PDE1C: variants seen among roughly 807,000 people sequenced by gnomAD.
PDE1C encodes the protein phosphodiesterase 1C, also known as dual specificity calcium/calmodulin-dependent 3',5'-cyclic nucleotide phosphodiesterase 1C.
Under a neutral mutation model 93.1 loss-of-function variants are expected in PDE1C, and 62 were observed. The observed-to-expected ratio is 0.67, with a 90% CI of 0.54 to 0.82. The LOEUF (loss-of-function observed/expected upper bound fraction) is 0.82, where lower values mean the gene tolerates loss of function less well. PDE1C is among the 40% of genes least tolerant of loss of function. The pLI, the probability that PDE1C is intolerant of heterozygous loss-of-function variation, is 0.00. For synonymous variants in PDE1C, 325 were observed against 310.1 expected, an observed-to-expected ratio of 1.05 and a Z score of -0.50; for missense variants, 742 against 884.6, an observed-to-expected ratio of 0.84 and a Z score of 2.04.
At chr7:31,835,545 TG>T (rs2128761106) in intron 11 of PDE1C, among the ~76,000 whole-genome samples, 1 of 152,030 alleles carries the variant, frequency 6.6e-6, no homozygotes, top group African/African-American at 2.4e-5. Context: ...TGTGTGTGTG[TG>T]TGTGTGTGTG....
chr7:31,990,807 A>G (rs962504942), intron 2 of PDE1C, among the ~76,000 whole-genome samples: 2 of 152,214 alleles, frequency 1.3e-5, no homozygotes, highest in Non-Finnish European at 2.9e-5. Context: ...ATTCACATAG[A>G]GCAGCAAGAT....
At chr7:32,254,635 G>T (rs888031893) in intron 1 of PDE1C, among the ~76,000 whole-genome samples, 3 of 152,154 alleles carry the variant, frequency 2.0e-5, no homozygotes, top group African/African-American at 7.2e-5. Context: ...ACCAACTTGG[G>T]GAAATCGATG....
chr7:32,398,459 G>A (rs1784881001), intron 1 of PDE1C, among the ~76,000 whole-genome samples: 2 of 151,594 alleles, frequency 1.3e-5, no homozygotes. Context: ...CGCAATCTTG[G>A]CTGGCCACAA....
the PDE1C span, among the ~76,000 whole-genome samples, chr7:31,650,793 C>G: frequency 6.6e-6 from 1 of 152,188 alleles, no homozygotes; most frequent in South Asian, 2.1e-4. Context: ...ATTAAACAGA[C>G]TCAATTTCTC....
At chr7:32,011,384 G>C (rs1584444776) in intron 2 of PDE1C, among the ~76,000 whole-genome samples, 1 of 152,046 alleles carries the variant, frequency 6.6e-6, no homozygotes, top group South Asian at 2.1e-4. Flanking sequence ...AGTAGAGACA[G>C]GGTTTTGCCG....
chr7:32,070,811 G>A (rs1411629084), upstream of PDE1C: 1 of 990,482 alleles, frequency 1.0e-6, no homozygotes, highest in Non-Finnish European at 1.2e-6. Context: ...GGGTGGGGAG[G>A]AGAGAAAGTG....
intron 9 of PDE1C, among the ~76,000 whole-genome samples, chr7:31,841,227 C>CTATATATATATATA (rs1554361935): frequency 4.2e-5 from 6 of 142,260 alleles, no homozygotes; most frequent in Non-Finnish European, 7.5e-5. Flanking sequence ...CTCTCTCTCT[C>CTATATATATATATA]TATATATATA....
chr7:32,218,463 G>T (rs1205166862), intron 1 of PDE1C, among the ~76,000 whole-genome samples: 1 of 152,248 alleles, frequency 6.6e-6, no homozygotes, highest in Admixed American at 6.5e-5. Flanking sequence ...CCAGAGGGCA[G>T]GATGGCTCCC....
chr7:31,697,221 G>T, the PDE1C span: 1 of 1,430,884 alleles, frequency 7.0e-7, no homozygotes, highest in African/African-American at 1.4e-5. Flanking sequence ...GCCCCAGCAA[G>T]CTGCGTTGTC....
intron 1 of PDE1C, among the ~76,000 whole-genome samples, chr7:32,256,708 T>C (rs1809821493): frequency 6.6e-6 from 1 of 152,308 alleles, no homozygotes; most frequent in East Asian, 1.9e-4. Context: ...TAATGTGGCC[T>C]TGGGCAAGTC....
chr7:32,280,524 T>C (rs1811558948), intron 1 of PDE1C, among the ~76,000 whole-genome samples: 1 of 152,186 alleles, frequency 6.6e-6, no homozygotes, highest in African/African-American at 2.4e-5. Context: ...ATTTAATAAA[T>C]ACATTGACGA....
intron 1 of PDE1C, among the ~76,000 whole-genome samples, chr7:32,297,022 TG>T (rs1812638037): frequency 6.6e-6 from 1 of 152,068 alleles, no homozygotes; most frequent in Admixed American, 6.6e-5. Flanking sequence ...TTCTTTCTGA[TG>T]GGGATGGAGA....
intron 2 of PDE1C, among the ~76,000 whole-genome samples, chr7:32,050,074 T>C (rs889177561): frequency 5.9e-5 from 9 of 152,184 alleles, no homozygotes; most frequent in Admixed American, 1.3e-4. Flanking sequence ...GGTAAGTATG[T>C]GGGTATCTAA....
At chr7:31,685,732 TGAA>T in the PDE1C span, among the ~76,000 whole-genome samples, 6 of 152,284 alleles carry the variant, frequency 3.9e-5, no homozygotes, top group Non-Finnish European at 7.4e-5. Flanking sequence ...ATTTAAAAAA[TGAA>T]GAAGATAAAG....
rs574059485 is a variant in PDE1C at position 31,813,609 on chromosome 7, T to A, written c.1813+2315A>T. On this transcript the variant is annotated intron_variant, in intron 15 of 17. Coordinates refer to ENST00000396191, the MANE Select transcript of PDE1C (RefSeq NM_001191057.4). ...CTCTAAAACAGTAACAGGTACATAA[T>A]AAATTTTTGTTTTAAAAAATTTTTG... 5.3e-5 allele frequency among the ~76,000 whole-genome samples: 8 copies of A among 152,294 alleles called. No individual in the cohort carries two copies. The South Asian group carries it at 6.2e-4, about 12-fold the overall frequency.
the PDE1C span, among the ~76,000 whole-genome samples, chr7:31,654,327 C>G: frequency 6.6e-6 from 1 of 152,062 alleles, no homozygotes; most frequent in Non-Finnish European, 1.5e-5. Flanking sequence ...CAGTGCTGCT[C>G]AGTGCGGTGG....
chr7:31,730,970 A>G, the PDE1C span, among the ~76,000 whole-genome samples: 7 of 152,158 alleles, frequency 4.6e-5, no homozygotes, highest in African/African-American at 1.4e-4. Context: ...CTACTGGATC[A>G]GAAGACACAA....
the PDE1C span, among the ~76,000 whole-genome samples, chr7:31,635,290 A>C: frequency 1.3e-5 from 2 of 152,212 alleles, no homozygotes; most frequent in African/African-American, 2.4e-5. Flanking sequence ...ATAAAGAGAA[A>C]GGATTTTTAG....
intron 1 of PDE1C, among the ~76,000 whole-genome samples, chr7:32,403,112 C>T (rs1784982844): frequency 6.6e-6 from 1 of 152,234 alleles, no homozygotes; most frequent in African/African-American, 2.4e-5. Flanking sequence ...TCTAGCCTGA[C>T]TCCATGATCA....
Sources: gnomAD v4.1 joint callset for allele counts (sites outside exome capture counted in the v4.1 genomes callset) on GRCh38, gnomAD v4.1.1 for gene constraint, MANE v1.5 for transcripts, NCBI Gene and HGNC (gene_info 2026-07-23, HGNC 2026-07-21) for gene names.